WWOX: variants seen among roughly 807,000 people sequenced by gnomAD.
WWOX encodes the protein WW domain containing oxidoreductase, also known as WW domain-containing oxidoreductase.
A neutral mutation model predicts 46.2 loss-of-function variants in WWOX; 69 were observed. That is an observed-to-expected ratio of 1.49 (90% CI 1.23 to 1.82). WWOX has a LOEUF of 1.82. Ranked by LOEUF, WWOX falls within the 40% of genes most tolerant of loss-of-function variation. The pLI is 0.00. For synonymous variants in WWOX, 359 were observed against 202.6 expected (o/e 1.77, Z -6.56); for missense variants, 919 against 542.6 (o/e 1.69, Z -6.89).
chr16:79,208,705 C>G (rs2051607263), intron 8 of WWOX, among the ~76,000 whole-genome samples: 1 of 151,836 alleles, frequency 6.6e-6, no homozygotes, highest in Admixed American at 6.6e-5. Flanking sequence ...TGAGATTTCA[C>G]TAATGTGCCT....
intron 8 of WWOX, among the ~76,000 whole-genome samples, chr16:79,186,412 G>A (rs1438144051): frequency 6.6e-6 from 1 of 152,160 alleles, no homozygotes; most frequent in Non-Finnish European, 1.5e-5. Flanking sequence ...TTCCTGGCTT[G>A]CAGCTGCAAC....
intron 8 of WWOX, among the ~76,000 whole-genome samples, chr16:78,665,321 A>C: frequency 6.6e-6 from 1 of 152,138 alleles, no homozygotes; most frequent in East Asian, 1.9e-4. Context: ...TGCCTTACCC[A>C]TTGTGGATTC....
At chr16:78,924,625 GT>G (rs1160531118) in intron 8 of WWOX, among the ~76,000 whole-genome samples, 1 of 152,202 alleles carries the variant, frequency 6.6e-6, no homozygotes, top group Admixed American at 6.5e-5. Flanking sequence ...CCTTTTGACT[GT>G]TTAGAAAGTG....
chr16:78,822,309 C>A (rs939478446), intron 8 of WWOX, among the ~76,000 whole-genome samples: 6 of 152,154 alleles, frequency 3.9e-5, no homozygotes, highest in African/African-American at 1.4e-4. Flanking sequence ...GCCTGGCTGA[C>A]ATGACGAAAC....
intron 5 of WWOX, among the ~76,000 whole-genome samples, chr16:78,359,637 C>T (rs1185768761): frequency 1.3e-5 from 2 of 152,148 alleles, no homozygotes; most frequent in African/African-American, 4.8e-5. Flanking sequence ...CTAAATATTT[C>T]AAAAGCTACA....
chr16:79,173,912 T>A (rs1175173915), intron 8 of WWOX, among the ~76,000 whole-genome samples: 1 of 152,190 alleles, frequency 6.6e-6, no homozygotes, highest in African/African-American at 2.4e-5. Context: ...ATACTTTTTT[T>A]CACTTTTCAA....
At chr16:78,359,470 C>CTT (rs2081364567) in intron 5 of WWOX, among the ~76,000 whole-genome samples, 1 of 151,960 alleles carries the variant, frequency 6.6e-6, no homozygotes, top group Non-Finnish European at 1.5e-5. Flanking sequence ...TATAAAGGAT[C>CTT]GATAGTTGGT....
At chr16:78,334,871 C>A (rs76712113) in intron 5 of WWOX, among the ~76,000 whole-genome samples, 3 of 148,204 alleles carry the variant, frequency 2.0e-5, no homozygotes, top group African/African-American at 7.6e-5. Flanking sequence ...CACCAAATCA[C>A]ACCTGAACAA....
At chr16:79,008,485 G>A (rs375685121) in intron 8 of WWOX, among the ~76,000 whole-genome samples, 13 of 152,172 alleles carry the variant, frequency 8.5e-5, no homozygotes, top group East Asian at 1.9e-4. Context: ...CACAGTTGCC[G>A]CCCACACTCA....
chr16:78,492,694 C>G (rs905106220), intron 8 of WWOX, among the ~76,000 whole-genome samples: 4 of 152,168 alleles, frequency 2.6e-5, no homozygotes, highest in African/African-American at 9.7e-5. Context: ...CTTATGTGCT[C>G]TGGATAATTC....
At chr16:78,964,176 G>A (rs1403668861) in intron 8 of WWOX, among the ~76,000 whole-genome samples, 6 of 152,218 alleles carry the variant, frequency 3.9e-5, no homozygotes, top group East Asian at 1.9e-4. Flanking sequence ...TGAAAATGTG[G>A]AAGTGACTTT....
At chr16:78,992,941 G>C (rs2046917086) in intron 8 of WWOX, among the ~76,000 whole-genome samples, 1 of 69,200 alleles carries the variant, frequency 1.4e-5, no homozygotes, top group African/African-American at 5.4e-5. Flanking sequence ...GCCTCCATTA[G>C]AGTCTCATCT....
At chr16:79,049,622 G>C (rs8048329) in intron 8 of WWOX, among the ~76,000 whole-genome samples, 1 of 152,072 alleles carries the variant, frequency 6.6e-6, no homozygotes, top group Non-Finnish European at 1.5e-5. Context: ...TGGATCACGA[G>C]GTCAGGAGTT....
intron 8 of WWOX, among the ~76,000 whole-genome samples, chr16:78,766,793 A>T (rs2049933752): frequency 1.3e-5 from 2 of 152,220 alleles, no homozygotes; most frequent in South Asian, 4.1e-4. Flanking sequence ...TTTTGGCAAA[A>T]TGTACACAAC....
At chr16:78,839,170 G>T (rs1242595757) in intron 8 of WWOX, among the ~76,000 whole-genome samples, 1 of 151,966 alleles carries the variant, frequency 6.6e-6, no homozygotes, top group African/African-American at 2.4e-5. Context: ...TTAATATTTT[G>T]GGGGAAAAAT....
intron 5 of WWOX, chr16:78,280,808 A>G (rs2079664286): frequency 6.6e-6 from 1 of 152,252 alleles, no homozygotes; most frequent in Non-Finnish European, 1.5e-5. Context: ...ATAATAAAAT[A>G]TAAAAACAGT....
intron 8 of WWOX, among the ~76,000 whole-genome samples, chr16:78,785,483 T>C (rs1022326347): frequency 3.3e-5 from 5 of 152,230 alleles, no homozygotes; most frequent in Non-Finnish European, 7.3e-5. Context: ...AAACACATTG[T>C]GCACCTATAC....
chr16:78,457,927 A>C (rs1325079249), intron 8 of WWOX, among the ~76,000 whole-genome samples: 2 of 149,666 alleles, frequency 1.3e-5, no homozygotes, highest in Non-Finnish European at 3.0e-5. Flanking sequence ...AAAAAAAAAA[A>C]ATTAGCTGGG....
chr16:79,019,645 G>A (rs929052475), intron 8 of WWOX, among the ~76,000 whole-genome samples: 3 of 151,892 alleles, frequency 2.0e-5, no homozygotes, highest in Non-Finnish European at 2.9e-5. Context: ...AGCTGCATGT[G>A]CATACTGGAT....
Sources: allele counts gnomAD v4.1 joint callset (sites outside exome capture counted in the v4.1 genomes callset), GRCh38; gene constraint gnomAD v4.1.1; transcripts MANE v1.5; gene names NCBI Gene and HGNC (gene_info 2026-07-23, HGNC 2026-07-21).